The following SHISA9 variants were observed in gnomAD, a reference collection of about 807,000 sequenced individuals.
The protein encoded by SHISA9 is shisa family member 9, also known as protein shisa-9.
Under a neutral mutation model 38.0 loss-of-function variants are expected in SHISA9, and 13 were observed. That is an observed-to-expected ratio of 0.34 (90% confidence interval 0.22 to 0.54). The LOEUF (loss-of-function observed/expected upper bound fraction) is 0.54, where lower values mean the gene tolerates loss of function less well. Ranked by LOEUF, SHISA9 falls within the 20% of genes least tolerant of loss-of-function variation. The pLI is 0.91. For synonymous variants in SHISA9, 275 were observed against 242.0 expected (o/e 1.14, Z -1.27); for missense variants, 538 against 575.8 (o/e 0.93, Z 0.67).
chr16:13,187,199 C>A (rs924251283), intron 2 of SHISA9, among the ~76,000 whole-genome samples: 4 of 152,180 alleles, frequency 2.6e-5, no homozygotes, highest in African/African-American at 7.2e-5. Flanking sequence ...ATTGCTGGGG[C>A]AGGATTGCAA....
chr16:13,194,201 G>C (rs1219007711), intron 2 of SHISA9, among the ~76,000 whole-genome samples: 2 of 128,450 alleles, frequency 1.6e-5, no homozygotes, highest in Non-Finnish European at 3.2e-5. Context: ...TTAATATGCC[G>C]AAAGGTGGAG....
intron 2 of SHISA9, among the ~76,000 whole-genome samples, chr16:13,149,886 C>G (rs1237531232): frequency 6.8e-6 from 1 of 146,482 alleles, no homozygotes; most frequent in African/African-American, 2.6e-5. Flanking sequence ...GATCATGCCA[C>G]TGCACTCCAG....
intron 2 of SHISA9, among the ~76,000 whole-genome samples, chr16:13,124,556 A>G (rs1314740628): frequency 6.6e-6 from 1 of 152,176 alleles, no homozygotes; most frequent in Non-Finnish European, 1.5e-5. Flanking sequence ...AGACAGGTTA[A>G]TGTAACTGTG....
At chr16:13,110,141 C>G (rs1414600779) in intron 2 of SHISA9, among the ~76,000 whole-genome samples, 1 of 152,180 alleles carries the variant, frequency 6.6e-6, no homozygotes, top group Non-Finnish European at 1.5e-5. Flanking sequence ...TGTTGAGCAT[C>G]TCTCATAACC....
At chr16:13,312,045 C>G in the SHISA9 span, among the ~76,000 whole-genome samples, 1 of 152,202 alleles carries the variant, frequency 6.6e-6, no homozygotes, top group Admixed American at 6.5e-5. Flanking sequence ...CTAACTGACT[C>G]ACTTGGTTTT....
At chr16:13,341,190 A>G in the SHISA9 span, among the ~76,000 whole-genome samples, 1,043 of 152,338 alleles carry the variant, frequency 6.8e-3, 7 homozygotes, top group Non-Finnish European at 9.8e-3. Flanking sequence ...AAGAAAATGA[A>G]GAAGAATCAG....
the SHISA9 span, among the ~76,000 whole-genome samples, chr16:13,307,160 T>C: frequency 1.3e-5 from 2 of 152,226 alleles, no homozygotes; most frequent in African/African-American, 4.8e-5. Context: ...ACAGTTTCAG[T>C]ATCTATCAAA....
the SHISA9 span, among the ~76,000 whole-genome samples, chr16:13,387,934 A>G: frequency 6.6e-6 from 1 of 152,108 alleles, no homozygotes; most frequent in Non-Finnish European, 1.5e-5. Flanking sequence ...CTCCTAGAAA[A>G]AAAAAAGACA....
At chr16:13,187,296 A>G (rs2050834095) in intron 2 of SHISA9, among the ~76,000 whole-genome samples, 1 of 147,858 alleles carries the variant, frequency 6.8e-6, no homozygotes, top group Non-Finnish European at 1.5e-5. Context: ...TGGCACCTTG[A>G]GGGACAGAGA....
At chr16:13,208,899 A>T (rs912569304) in intron 3 of SHISA9, among the ~76,000 whole-genome samples, 3 of 152,192 alleles carry the variant, frequency 2.0e-5, no homozygotes, top group African/African-American at 7.2e-5. Flanking sequence ...AAACTAGTGA[A>T]TAATACCATA....
chr16:13,206,616 TC>T (rs1179029481), intron 3 of SHISA9, among the ~76,000 whole-genome samples: 1 of 152,260 alleles, frequency 6.6e-6, no homozygotes, highest in Non-Finnish European at 1.5e-5. Flanking sequence ...TCTTAAGATT[TC>T]CAGATGGAAT....
At chr16:13,059,177 G>C (rs1370380770) in intron 2 of SHISA9, among the ~76,000 whole-genome samples, 1 of 145,268 alleles carries the variant, frequency 6.9e-6, no homozygotes, top group Admixed American at 6.9e-5. Context: ...GCCCAGGCTG[G>C]AGTGCAGTGG....
intron 2 of SHISA9, among the ~76,000 whole-genome samples, chr16:13,075,573 CAACCT>C (rs1471261106): frequency 6.6e-6 from 1 of 152,214 alleles, no homozygotes; most frequent in Non-Finnish European, 1.5e-5. Flanking sequence ...TCTGAAAACT[CAACCT>C]AAGGCTTTCT....
intron 2 of SHISA9, among the ~76,000 whole-genome samples, chr16:13,146,884 A>T (rs1255658500): frequency 1.3e-5 from 2 of 152,170 alleles, no homozygotes; most frequent in Non-Finnish European, 2.9e-5. Context: ...TCTGGAGAAA[A>T]GTCTGATTTC....
At chr16:13,130,127 C>T (rs994703575) in intron 2 of SHISA9, among the ~76,000 whole-genome samples, 9 of 152,150 alleles carry the variant, frequency 5.9e-5, no homozygotes, top group African/African-American at 2.2e-4. Flanking sequence ...ACCATGGGCT[C>T]TCTGAGCACA....
the SHISA9 span, among the ~76,000 whole-genome samples, chr16:13,411,141 A>G: frequency 6.6e-6 from 1 of 152,236 alleles, no homozygotes; most frequent in Non-Finnish European, 1.5e-5. Flanking sequence ...ATTTTAGCCA[A>G]TCTCCTAACT....
chr16:13,116,196 A>G (rs74012267), intron 2 of SHISA9, among the ~76,000 whole-genome samples: 7,616 of 152,210 alleles, frequency 0.05, 288 homozygotes, highest in East Asian at 0.17. Context: ...CCTGGGATAC[A>G]TCATACCTAC....
the SHISA9 span, among the ~76,000 whole-genome samples, chr16:13,327,681 G>C: frequency 6.6e-6 from 1 of 151,954 alleles, no homozygotes; most frequent in East Asian, 2.0e-4. Context: ...TTTTGAGACA[G>C]GGTCTTGCTT....
At chr16:13,146,358 A>AT (rs887813997) in intron 2 of SHISA9, among the ~76,000 whole-genome samples, 10 of 151,320 alleles carry the variant, frequency 6.6e-5, no homozygotes, top group South Asian at 2.1e-4. Context: ...CATAGCTTTT[A>AT]TTTTTTTTTA....
Sources: allele counts gnomAD v4.1 joint callset (sites outside exome capture counted in the v4.1 genomes callset), GRCh38; gene constraint gnomAD v4.1.1; transcripts MANE v1.5; gene names NCBI Gene and HGNC (gene_info 2026-07-23, HGNC 2026-07-21).